The following HCRTR2 variants were observed in gnomAD, a reference collection of about 807,000 sequenced individuals.
HCRTR2 encodes the protein hypocretin receptor 2, also known as orexin receptor type 2.
In HCRTR2, 22 loss-of-function variants were observed where a neutral mutation model predicts 49.0. The ratio of observed to expected loss-of-function variants is 0.45; its 90% CI spans 0.32 to 0.64. The LOEUF (loss-of-function observed/expected upper bound fraction) is 0.64, where lower values mean the gene tolerates loss of function less well. HCRTR2 is among the 30% of genes least tolerant of loss of function. The probability of loss-of-function intolerance (pLI) is 0.04; values close to 1 mark genes in which losing one functional copy is unlikely to be tolerated. For synonymous variants in HCRTR2, 236 were observed against 205.3 expected, an observed-to-expected ratio of 1.15 and a Z score of -1.28; for missense variants, 491 against 559.4, an observed-to-expected ratio of 0.88 and a Z score of 1.23.
chr6:55,226,843 C>T (rs1021453155), intron 1 of HCRTR2, among the ~76,000 whole-genome samples: 10 of 151,022 alleles, frequency 6.6e-5, no homozygotes, highest in African/African-American at 1.7e-4. Context: ...CTCAGCCTCC[C>T]GAGTAGCTGG....
intron 4 of HCRTR2, 180 bp downstream of exon 4, chr6:55,264,002 G>T: frequency 1.7e-6 from 1 of 593,986 alleles, no homozygotes; most frequent in Non-Finnish European, 3.0e-6. Context: ...TTCTTTTAAA[G>T]TAATGAGAAC....
chr6:55,222,406 A>C (rs1765916538), intron 1 of HCRTR2, among the ~76,000 whole-genome samples: 1 of 152,306 alleles, frequency 6.6e-6, no homozygotes, highest in African/African-American at 2.4e-5. Context: ...TAAAAATAAA[A>C]CTATACGATC....
chr6:55,209,769 AT>A lies in HCRTR2; in HGVS notation c.223+34968del, dbSNP rs985483702. On this transcript the variant is annotated intron_variant, in intron 1 of 6. Transcript: ENST00000370862. Reference sequence around the variant, plus strand: ...AAAGTAGGTTTTCATATTGGCTTAGATTTTTTTTTCATTAACTTGCAATTTG... The same window carrying A: ...AAAGTAGGTTTTCATATTGGCTTAGATTTTTTTTCATTAACTTGCAATTTG... Among the ~76,000 whole-genome samples the A allele has an allele frequency of 5.9e-5, 9 of 151,268 alleles. No homozygotes were observed. The South Asian group carries it at 6.3e-4, about 11-fold the overall frequency.
At chr6:55,267,373 G>T (rs764578959) in intron 4 of HCRTR2, among the ~76,000 whole-genome samples, 19 of 148,804 alleles carry the variant, frequency 1.3e-4, no homozygotes, top group Non-Finnish European at 2.4e-4. Flanking sequence ...CTAATGCATT[G>T]CTGTGAACTA....
chr6:55,276,080 T>G (rs1228332256), intron 4 of HCRTR2, among the ~76,000 whole-genome samples: 1 of 152,202 alleles, frequency 6.6e-6, no homozygotes, highest in African/African-American at 2.4e-5. Context: ...TTAAAATTGC[T>G]TTTTAAAATG....
At chr6:55,253,942 C>T (rs1217802504) in intron 2 of HCRTR2, among the ~76,000 whole-genome samples, 1 of 152,002 alleles carries the variant, frequency 6.6e-6, no homozygotes, top group Non-Finnish European at 1.5e-5. Context: ...GGATTAATAC[C>T]TGGGTGATGA....
chr6:55,193,133 G>C (rs913497898), intron 1 of HCRTR2, among the ~76,000 whole-genome samples: 2 of 152,104 alleles, frequency 1.3e-5, no homozygotes, highest in Non-Finnish European at 2.9e-5. Flanking sequence ...AATATTGAAA[G>C]TCTATTAATT....
intron 1 of HCRTR2, among the ~76,000 whole-genome samples, chr6:55,241,972 G>A (rs926520440): frequency 4.0e-5 from 6 of 148,868 alleles, no homozygotes; most frequent in African/African-American, 9.9e-5. Context: ...GGGTTCAAGC[G>A]ATTCTCCTGC....
intron 1 of HCRTR2, among the ~76,000 whole-genome samples, chr6:55,245,469 TTATATATATATATATATATATATA>T (rs745939954): frequency 1.1e-4 from 6 of 56,800 alleles, no homozygotes; most frequent in South Asian, 6.6e-4. Flanking sequence ...TAGGAAGATT[TTATATATATATATATATATATATA>T]TATATATATA....
At chr6:55,179,734 G>A (rs537131499) in intron 1 of HCRTR2, among the ~76,000 whole-genome samples, 1 of 152,204 alleles carries the variant, frequency 6.6e-6, no homozygotes, top group Non-Finnish European at 1.5e-5. Flanking sequence ...TTAGAAAACT[G>A]TCTTGATTGT....
intron 1 of HCRTR2, among the ~76,000 whole-genome samples, chr6:55,190,954 A>G (rs1765305066): frequency 6.6e-6 from 1 of 152,170 alleles, no homozygotes; most frequent in Admixed American, 6.5e-5. Flanking sequence ...AGGCCAATTG[A>G]CAAGCCAAGT....
At chr6:55,257,490 A>T (rs1001453786) in intron 3 of HCRTR2, among the ~76,000 whole-genome samples, 2 of 151,974 alleles carry the variant, frequency 1.3e-5, no homozygotes, top group African/African-American at 4.8e-5. Flanking sequence ...AGTTTCACTT[A>T]TATGTTTATG....
chr6:55,178,646 T>C (rs753370251), intron 1 of HCRTR2, among the ~76,000 whole-genome samples: 1 of 152,190 alleles, frequency 6.6e-6, no homozygotes, highest in Non-Finnish European at 1.5e-5. Context: ...TCTGTAGCTC[T>C]TTATGGCCTC....
At chr6:55,208,184 G>T (rs1249753423) in intron 1 of HCRTR2, among the ~76,000 whole-genome samples, 1 of 151,930 alleles carries the variant, frequency 6.6e-6, no homozygotes, top group Non-Finnish European at 1.5e-5. Context: ...ATTTAAGAAT[G>T]AATTACTTGG....
intron 1 of HCRTR2, among the ~76,000 whole-genome samples, chr6:55,135,334 C>T (rs1764418859): frequency 6.6e-6 from 1 of 152,018 alleles, no homozygotes; most frequent in Non-Finnish European, 1.5e-5. Context: ...AATTAGTTCA[C>T]CTAAATGTGG....
At chr6:55,177,328 T>C (rs1414427454) in intron 1 of HCRTR2, among the ~76,000 whole-genome samples, 1 of 152,214 alleles carries the variant, frequency 6.6e-6, no homozygotes, top group East Asian at 1.9e-4. Flanking sequence ...GCCTGAAAGT[T>C]GATGAGGTTT....
chr6:55,197,032 T>C (rs1765428470), intron 1 of HCRTR2, among the ~76,000 whole-genome samples: 1 of 152,178 alleles, frequency 6.6e-6, no homozygotes, highest in Admixed American at 6.5e-5. Context: ...ACCCTACCTC[T>C]GTACTTCAAA....
At chr6:55,266,645 CTTA>C (rs140869966) in intron 4 of HCRTR2, among the ~76,000 whole-genome samples, 45,089 of 151,722 alleles carry the variant, frequency 0.3, 6,856 homozygotes, top group African/African-American at 0.33. Flanking sequence ...CTTATAATTT[CTTA>C]TTCATTTATT....
chr6:55,264,749 C>A (rs1581865851), intron 4 of HCRTR2, among the ~76,000 whole-genome samples: 1 of 152,168 alleles, frequency 6.6e-6, no homozygotes, highest in East Asian at 1.9e-4. Flanking sequence ...TGCCACAATT[C>A]TTAGAGATGT....
Sources: allele counts gnomAD v4.1 joint callset (sites outside exome capture counted in the v4.1 genomes callset), GRCh38; gene constraint gnomAD v4.1.1; transcripts MANE v1.5; gene names NCBI Gene and HGNC (gene_info 2026-07-23, HGNC 2026-07-21).